Variants in FGF13 observed in about 807,000 individuals in gnomAD.
FGF13 encodes the protein fibroblast growth factor homologous factor 2.
Under a neutral mutation model 19.5 loss-of-function variants are expected in FGF13, and 2 were observed. The observed-to-expected ratio is 0.10, with a 90% CI of 0.04 to 0.32. The LOEUF (loss-of-function observed/expected upper bound fraction) is 0.32. FGF13 is among the 10% of genes least tolerant of loss of function. FGF13 has a pLI of 1.00. For synonymous variants in FGF13, 72 were observed against 76.9 expected, an observed-to-expected ratio of 0.94 and a Z score of 0.33; for missense variants, 113 against 192.7, an observed-to-expected ratio of 0.59 and a Z score of 2.45.
At chrX:138,783,993 T>G (rs1302669089) in intron 3 of FGF13, among the ~76,000 whole-genome samples, 18 of 100,509 alleles carry the variant, frequency 1.8e-4, no homozygotes, top group African/African-American at 6.5e-4. Flanking sequence ...CCATAAAAAA[T>G]GATGAGTTCA....
At chrX:139,156,586 C>A (rs889629425) in intron 1 of FGF13, among the ~76,000 whole-genome samples, 2 of 112,426 alleles carry the variant, frequency 1.8e-5, no homozygotes, top group South Asian at 3.7e-4. Flanking sequence ...GAAACCGAGG[C>A]GCTCAACCTT....
intron 1 of FGF13, among the ~76,000 whole-genome samples, chrX:139,033,043 A>AAAAAAAAC (rs1569444613): frequency 1.9e-5 from 2 of 102,737 alleles, no homozygotes; most frequent in African/African-American, 7.3e-5. Context: ...AAAAAAAAAA[A>AAAAAAAAC]AAAAAAAAAA....
At chrX:139,047,955 G>GATGTT (rs2092292872) in intron 1 of FGF13, among the ~76,000 whole-genome samples, 1 of 110,834 alleles carries the variant, frequency 9.0e-6, no homozygotes, top group Non-Finnish European at 1.9e-5. Flanking sequence ...GTAACATCAA[G>GATGTT]ACTTTCTTCT....
At chrX:138,887,726 G>A (rs755766153) in intron 1 of FGF13, among the ~76,000 whole-genome samples, 31 of 112,016 alleles carry the variant, frequency 2.8e-4, no homozygotes, top group Non-Finnish European at 4.9e-4. Flanking sequence ...CCCAACTTAT[G>A]CATTCAAGGG....
At chrX:138,643,785 A>G (rs768349282) in intron 3 of FGF13, among the ~76,000 whole-genome samples, 1 of 111,827 alleles carries the variant, frequency 8.9e-6, no homozygotes, top group East Asian at 2.8e-4. Flanking sequence ...CCTGCTTATT[A>G]TGTGTATTAA....
intron 1 of FGF13, among the ~76,000 whole-genome samples, chrX:139,093,190 T>G (rs765145305): frequency 8.9e-6 from 1 of 112,206 alleles, no homozygotes; most frequent in East Asian, 2.8e-4. Flanking sequence ...GTAAAATTAG[T>G]CAGTTGGTCA....
intron 3 of FGF13, among the ~76,000 whole-genome samples, chrX:138,809,369 G>T (rs1333628179): frequency 1.8e-5 from 2 of 111,815 alleles, no homozygotes; most frequent in Non-Finnish European, 3.8e-5. Flanking sequence ...AATAGATGCA[G>T]AAAAGGCCTT....
At chrX:139,171,148 G>C (rs1452048573) in intron 1 of FGF13, among the ~76,000 whole-genome samples, 1 of 110,174 alleles carries the variant, frequency 9.1e-6, no homozygotes, top group Non-Finnish European at 1.9e-5. Flanking sequence ...GCAGCCAACT[G>C]GATTATGAGA....
chrX:138,701,385 A>T (rs2089944477), intron 3 of FGF13, among the ~76,000 whole-genome samples: 2 of 112,431 alleles, frequency 1.8e-5, no homozygotes, highest in South Asian at 7.3e-4. Flanking sequence ...ATCCTTCATT[A>T]TTAAATTATC....
At chrX:138,911,960 A>G (rs2091590334) in intron 1 of FGF13, among the ~76,000 whole-genome samples, 4 of 112,203 alleles carry the variant, frequency 3.6e-5, no homozygotes, top group Non-Finnish European at 5.6e-5. Flanking sequence ...GGTTTGAAGT[A>G]AAAGGGAGTA....
chrX:138,880,558 A>G (rs1488631202), intron 1 of FGF13, among the ~76,000 whole-genome samples: 1 of 111,797 alleles, frequency 8.9e-6, no homozygotes, highest in East Asian at 2.8e-4. Context: ...GGAAACCATC[A>G]TTCTCAGCAA....
chrX:138,954,893 A>C (rs946516435), intron 1 of FGF13, among the ~76,000 whole-genome samples: 3 of 112,140 alleles, frequency 2.7e-5, no homozygotes, highest in African/African-American at 9.7e-5. Context: ...TGTTTGAATG[A>C]TGTAGGAAGT....
chrX:138,733,658 C>T (rs2090250206), intron 1 of FGF13, among the ~76,000 whole-genome samples: 1 of 111,420 alleles, frequency 9.0e-6, no homozygotes, highest in Non-Finnish European at 1.9e-5. Flanking sequence ...CAATAATCTA[C>T]ATTGTGCAGT....
chrX:138,865,806 A>AC (rs1373465849), intron 1 of FGF13, among the ~76,000 whole-genome samples: 4 of 110,822 alleles, frequency 3.6e-5, no homozygotes, highest in African/African-American at 1.3e-4. Flanking sequence ...TTTTCAAAAT[A>AC]CCCCCCCAAG....
At chrX:139,175,658 CAT>C (rs1292031451) in intron 1 of FGF13, among the ~76,000 whole-genome samples, 1 of 111,814 alleles carries the variant, frequency 8.9e-6, no homozygotes, top group African/African-American at 3.3e-5. Flanking sequence ...TTGAGATAAT[CAT>C]GTGGTTTTTG....
At chrX:138,731,648 C>A (rs1179199272) in intron 1 of FGF13, among the ~76,000 whole-genome samples, 1 of 109,851 alleles carries the variant, frequency 9.1e-6, no homozygotes, top group Non-Finnish European at 1.9e-5. Flanking sequence ...ACTAATTAAA[C>A]CCCAAATAAG....
chrX:138,980,486 G>A (rs1245159358), intron 1 of FGF13, among the ~76,000 whole-genome samples: 2 of 111,874 alleles, frequency 1.8e-5, no homozygotes, highest in Non-Finnish European at 3.8e-5. Context: ...CTTGATTAGG[G>A]AGAGAATGTT....
At chrX:139,027,433 A>G (rs779750470) in intron 1 of FGF13, among the ~76,000 whole-genome samples, 4 of 112,262 alleles carry the variant, frequency 3.6e-5, no homozygotes, top group Non-Finnish European at 7.5e-5. Flanking sequence ...GAAAAGTAAT[A>G]CAGCATGTCA....
intron 1 of FGF13, among the ~76,000 whole-genome samples, chrX:139,019,760 CTA>C (rs1488442612): frequency 1.8e-5 from 2 of 110,012 alleles, no homozygotes. Flanking sequence ...GTGTTCATGT[CTA>C]TGTGTGTGTG....
Sources: gnomAD v4.1 joint callset for allele counts (sites outside exome capture counted in the v4.1 genomes callset) on GRCh38, gnomAD v4.1.1 for gene constraint, MANE v1.5 for transcripts, NCBI Gene and HGNC (gene_info 2026-07-23, HGNC 2026-07-21) for gene names.